CAMK4: variants seen among roughly 807,000 people sequenced by gnomAD.
The protein encoded by CAMK4 is calcium/calmodulin dependent protein kinase IV.
A neutral mutation model predicts 44.9 loss-of-function variants in CAMK4; 22 were observed. The ratio of observed to expected loss-of-function variants is 0.49; its 90% CI spans 0.35 to 0.70. The LOEUF (loss-of-function observed/expected upper bound fraction) is 0.70. Among genes scored for constraint, CAMK4 ranks in the 30% least tolerant of loss-of-function variants. The pLI is 0.01. For missense variants in CAMK4, 498 were observed against 586.8 expected, an observed-to-expected ratio of 0.85 and a Z score of 1.56; for synonymous variants, 218 against 215.4, an observed-to-expected ratio of 1.01 and a Z score of -0.11.
intron 8 of CAMK4, 100 bp downstream of exon 8, chr5:111,473,486 C>T: frequency 1.3e-6 from 1 of 768,464 alleles, no homozygotes; most frequent in Non-Finnish European, 2.2e-6. Flanking sequence ...TTACTTTTTG[C>T]CTTTTTGTGA....
chr5:111,459,213 A>G (rs1452516691), intron 7 of CAMK4, among the ~76,000 whole-genome samples: 2 of 152,200 alleles, frequency 1.3e-5, no homozygotes, highest in African/African-American at 4.8e-5. Flanking sequence ...AAGAGAAGGA[A>G]CATTTATTAT....
chr5:111,238,171 G>A (rs1240710017), intron 1 of CAMK4, among the ~76,000 whole-genome samples: 2 of 152,096 alleles, frequency 1.3e-5, no homozygotes, highest in African/African-American at 4.8e-5. Context: ...CCTAGGCCCA[G>A]AGCACTTCTC....
At chr5:111,388,728 A>G (rs1751694082) in intron 4 of CAMK4, among the ~76,000 whole-genome samples, 1 of 152,206 alleles carries the variant, frequency 6.6e-6, no homozygotes, top group Non-Finnish European at 1.5e-5. Flanking sequence ...CCAGTTCACT[A>G]CTGAGTGGCC....
chr5:111,256,430 C>T (rs972846905), intron 1 of CAMK4, among the ~76,000 whole-genome samples: 1 of 151,994 alleles, frequency 6.6e-6, no homozygotes, highest in African/African-American at 2.4e-5. Context: ...ACACATTGCA[C>T]AAATGTCAGT....
chr5:111,456,846 A>G (rs1754435096), intron 7 of CAMK4, among the ~76,000 whole-genome samples: 1 of 152,214 alleles, frequency 6.6e-6, no homozygotes, highest in Admixed American at 6.5e-5. Context: ...ACTTAAAATT[A>G]TTATTCCAAA....
intron 4 of CAMK4, among the ~76,000 whole-genome samples, chr5:111,381,022 A>G (rs1258675728): frequency 6.6e-6 from 1 of 152,052 alleles, no homozygotes; most frequent in Non-Finnish European, 1.5e-5. Flanking sequence ...CAACTTCTGT[A>G]CCCTTAGCTC....
At chr5:111,432,243 A>T (rs1253098103) in intron 5 of CAMK4, among the ~76,000 whole-genome samples, 1 of 152,170 alleles carries the variant, frequency 6.6e-6, no homozygotes, top group Non-Finnish European at 1.5e-5. Context: ...TAATGAAATA[A>T]GTCAGGCACA....
At position 111,485,092 on chromosome 5, in the gene CAMK4, C is replaced by T. The variant is rs1252307117; in HGVS notation, c.*626C>T. ...GCTTTATTTTATTCTTATTTATATA[C>T]ACTATATTAATAATAACCAAAATGT... On this transcript the variant is annotated 3_prime_UTR_variant, in exon 11 of 11. Coordinates refer to ENST00000282356, the MANE Select transcript of CAMK4 (RefSeq NM_001744.6). The T allele has an allele frequency of 2.0e-5, 3 of 152,102 alleles. No individual in the cohort carries two copies. Among genetic ancestry groups the T allele is most frequent in the Non-Finnish European group, 4.4e-5 (3 of 68,020 alleles). 9.4% of individuals were successfully genotyped at this position (152,102 alleles called of 1,614,324 possible). A position where few individuals can be genotyped will look rare whatever the true frequency, so the allele number is the denominator to read the frequency against.
chr5:111,223,856 T>C (rs7714962), upstream of CAMK4: 75,881 of 152,386 alleles, frequency 0.5, 19,685 homozygotes, highest in African/African-American at 0.62. The surrounding 1 kb of genome is among the most constrained non-coding windows in gnomAD (Gnocchi z 4.3). Context: ...TTAGCTGGTG[T>C]TAGGTGGGAG....
intron 5 of CAMK4, among the ~76,000 whole-genome samples, chr5:111,439,455 CA>C (rs1753753033): frequency 6.6e-6 from 1 of 151,974 alleles, no homozygotes; most frequent in South Asian, 2.1e-4. Flanking sequence ...TTGGGTGTGT[CA>C]AATAAAGGAG....
chr5:111,448,825 C>G (rs1754120513), intron 6 of CAMK4, among the ~76,000 whole-genome samples: 1 of 151,924 alleles, frequency 6.6e-6, no homozygotes, highest in African/African-American at 2.4e-5. Context: ...CAAACAAAAA[C>G]AAGAAAGAAA....
chr5:111,473,267 A>T, intron 7 of CAMK4, 44 bp from the exon 8 acceptor site: 1 of 1,206,826 alleles, frequency 8.3e-7, no homozygotes, highest in South Asian at 1.2e-5. Context: ...AAATATAAAT[A>T]TTGACTAAGC....
Position 111,482,712 on chromosome 5 carries a change from A to C in CAMK4, c.829-73A>C, listed in dbSNP as rs1755474692. ...TGCTGGGAAATGGAATAAGATCTGG[A>C]AGTTTGTAAGCTGAGGGCAAGCCCA... On this transcript the variant is annotated intron_variant, in intron 9 of 10. Transcript: ENST00000282356. This position sits in a 1 kb window ranked among gnomAD's most constrained non-coding sequence, Gnocchi z 4.9. The C allele has an allele frequency of 1.6e-6, 2 of 1,235,884 alleles. No individual in the cohort carries two copies. Among genetic ancestry groups the C allele is most frequent in the Non-Finnish European group, 2.3e-6 (2 of 877,596 alleles). 76.6% of individuals were successfully genotyped at this position (1,235,884 alleles called of 1,614,324 possible). A position where few individuals can be genotyped will look rare whatever the true frequency, so the allele number is the denominator to read the frequency against.
chr5:111,413,073 T>G (rs1309194609), intron 5 of CAMK4, among the ~76,000 whole-genome samples: 1 of 152,154 alleles, frequency 6.6e-6, no homozygotes, highest in Non-Finnish European at 1.5e-5. Flanking sequence ...CCTTGAATTC[T>G]TTCCTCGGTA....
At chr5:111,289,590 T>C (rs1179739742) in intron 1 of CAMK4, among the ~76,000 whole-genome samples, 2 of 152,246 alleles carry the variant, frequency 1.3e-5, no homozygotes, top group African/African-American at 4.8e-5. Flanking sequence ...ACTATAAATT[T>C]GCCACACCAT....
intron 5 of CAMK4, among the ~76,000 whole-genome samples, chr5:111,429,777 CAAAAAAAAAAAAAAAAA>C (rs70973607): frequency 9.5e-4 from 25 of 26,356 alleles, no homozygotes; most frequent in South Asian, 8.3e-3. Context: ...GACCTCATCT[CAAAAAAAAAAAAAAAAA>C]AAAAAAAAAA....
chr5:111,415,161 A>C (rs1343014035), intron 5 of CAMK4, among the ~76,000 whole-genome samples: 1 of 152,236 alleles, frequency 6.6e-6, no homozygotes, highest in African/African-American at 2.4e-5. Flanking sequence ...TTCTGGAAAT[A>C]AACGATTCAT....
chr5:111,454,647 CAAAAAAA>C (rs66917170), intron 7 of CAMK4, among the ~76,000 whole-genome samples: 2 of 114,614 alleles, frequency 1.7e-5, no homozygotes, highest in Non-Finnish European at 3.3e-5. Flanking sequence ...GTCACACAGA[CAAAAAAA>C]AAAAAAAAAG....
intron 7 of CAMK4, among the ~76,000 whole-genome samples, chr5:111,452,307 T>G (rs1754265681): frequency 2.0e-5 from 3 of 152,216 alleles, no homozygotes; most frequent in African/African-American, 7.2e-5. Flanking sequence ...ACCATGTGTT[T>G]AAAGAATCTA....
Sources: allele counts gnomAD v4.1 joint callset (sites outside exome capture counted in the v4.1 genomes callset), GRCh38; gene constraint gnomAD v4.1.1; non-coding constraint Gnocchi (gnomAD v3.1); transcripts MANE v1.5; gene names NCBI Gene and HGNC (gene_info 2026-07-23, HGNC 2026-07-21).